The following PTPRD variants were observed in gnomAD, a reference collection of about 807,000 sequenced individuals.
PTPRD encodes receptor-type tyrosine-protein phosphatase delta.
A neutral mutation model predicts 214.5 loss-of-function variants in PTPRD; 34 were observed. The ratio of observed to expected loss-of-function variants is 0.16; its 90% CI spans 0.12 to 0.21. The LOEUF (loss-of-function observed/expected upper bound fraction) is 0.21, where lower values mean the gene tolerates loss of function less well. Ranked by LOEUF, PTPRD falls within the 10% of genes least tolerant of loss-of-function variation. The probability of loss-of-function intolerance (pLI) is 1.00; values close to 1 mark genes in which losing one functional copy is unlikely to be tolerated. For missense variants in PTPRD, 2,545 were observed against 2,398.7 expected (o/e 1.06, Z -1.27); for synonymous variants, 1,128 against 845.7 (o/e 1.33, Z -5.79).
At chr9:8,932,120 C>A (rs1378412091) in intron 11 of PTPRD, among the ~76,000 whole-genome samples, 2 of 152,196 alleles carry the variant, frequency 1.3e-5, no homozygotes, top group South Asian at 4.1e-4. Flanking sequence ...CTCCTGGATT[C>A]GTTGATTTTT....
Position 8,548,370 on chromosome 9 carries a change from A to C in PTPRD, c.353-19591T>G, listed in dbSNP as rs572122364. On this transcript the variant is annotated intron_variant, in intron 14 of 45. Coordinates refer to ENST00000381196, the MANE Select transcript of PTPRD (RefSeq NM_002839.4). ...TAGGTTGTATATGCATGCAGCTGGA[A>C]TTTTGTTTTTTTTTTGAGAGAGGTG... Among the ~76,000 whole-genome samples the C allele has an allele frequency of 5.3e-4, 80 of 151,352 alleles. 1 individual carries two copies. Among genetic ancestry groups the C allele is most frequent in the Non-Finnish European group, 9.4e-4 (64 of 67,802 alleles).
intron 11 of PTPRD, among the ~76,000 whole-genome samples, chr9:8,940,165 C>A (rs2099022427): frequency 6.6e-6 from 1 of 151,654 alleles, no homozygotes; most frequent in African/African-American, 2.4e-5. Context: ...AGGCTCTGAA[C>A]TCAGTCTTCA....
chr9:8,499,968 G>T (rs1458734148), intron 24 of PTPRD, 128 bp from the exon 25 acceptor site: 11 of 521,536 alleles, frequency 2.1e-5, no homozygotes, highest in East Asian at 1.2e-4. Context: ...TTTCTTTGAA[G>T]AATACAAACA....
chr9:9,112,687 G>A (rs902682804), intron 10 of PTPRD, among the ~76,000 whole-genome samples: 1 of 152,090 alleles, frequency 6.6e-6, no homozygotes, highest in African/African-American at 2.4e-5. Flanking sequence ...AAGCTTTTAA[G>A]AAAGAGAATA....
At chr9:10,511,940 ATATATACG>A (rs1352413479) in intron 2 of PTPRD, among the ~76,000 whole-genome samples, 4 of 70,150 alleles carry the variant, frequency 5.7e-5, no homozygotes, top group Admixed American at 1.4e-4. Flanking sequence ...ACGTGTATAT[ATATATACG>A]TGTGTGTATA....
intron 2 of PTPRD, among the ~76,000 whole-genome samples, chr9:10,445,807 A>T (rs1274418241): frequency 2.6e-5 from 4 of 152,134 alleles, no homozygotes; most frequent in Non-Finnish European, 4.4e-5. Flanking sequence ...AATGAGAAGC[A>T]TGAAGAAGTG....
At chr9:10,097,664 T>A (rs546263081) in intron 3 of PTPRD, among the ~76,000 whole-genome samples, 15 of 151,774 alleles carry the variant, frequency 9.9e-5, no homozygotes, top group Non-Finnish European at 2.2e-4. Flanking sequence ...TTTCTAGATA[T>A]ACAATCATGT....
At chr9:8,650,482 G>A (rs973920003) in intron 12 of PTPRD, among the ~76,000 whole-genome samples, 4 of 146,272 alleles carry the variant, frequency 2.7e-5, no homozygotes, top group Non-Finnish European at 5.9e-5. Flanking sequence ...CCGAGATCGT[G>A]TCATTGCACT....
chr9:10,413,727 T>A (rs7048345), intron 2 of PTPRD, among the ~76,000 whole-genome samples: 110,698 of 151,638 alleles, frequency 0.73, 41,079 homozygotes, highest in Non-Finnish European at 0.81. Context: ...GGCTACAGTA[T>A]ACAAAACAGC....
chr9:9,199,443 G>A (rs2099940583), intron 9 of PTPRD, among the ~76,000 whole-genome samples: 1 of 152,154 alleles, frequency 6.6e-6, no homozygotes, highest in Admixed American at 6.6e-5. Context: ...CTCAAAGTCT[G>A]TAAAATGCAT....
intron 9 of PTPRD, among the ~76,000 whole-genome samples, chr9:9,247,288 G>C (rs1456120877): frequency 6.6e-6 from 1 of 152,018 alleles, no homozygotes; most frequent in East Asian, 1.9e-4. Flanking sequence ...TCCCAACTCA[G>C]TCTATTACTA....
intron 9 of PTPRD, among the ~76,000 whole-genome samples, chr9:9,242,815 C>G (rs1029443380): frequency 6.6e-6 from 1 of 152,112 alleles, no homozygotes; most frequent in African/African-American, 2.4e-5. Flanking sequence ...GAATTTTGAT[C>G]ATCTGCAGCC....
At chr9:10,150,275 T>C (rs2154277005) in intron 3 of PTPRD, among the ~76,000 whole-genome samples, 1 of 152,228 alleles carries the variant, frequency 6.6e-6, no homozygotes, top group South Asian at 2.1e-4. Context: ...TGTCCATCAA[T>C]GATAGACTGG....
intron 2 of PTPRD, among the ~76,000 whole-genome samples, chr9:10,549,006 T>C (rs907439817): frequency 6.6e-6 from 1 of 152,186 alleles, no homozygotes; most frequent in Admixed American, 6.6e-5. Flanking sequence ...ACAAGCAACT[T>C]CATGTATGAG....
rs367923013 is a variant in PTPRD, at chr9:9,751,635, C to T, written c.-326+15175G>A. On this transcript the variant is annotated intron_variant, in intron 6 of 45. Coordinates refer to ENST00000381196, the MANE Select transcript of PTPRD (RefSeq NM_002839.4). ...ACTAGCGTCCTTTTAAAAAGAATAA[C>T]GTGAAGAAGAGACACACGGTACAAA... Among the ~76,000 whole-genome samples, 122 of 152,062 alleles carry T rather than the reference C, an allele frequency of 8.0e-4. 1 individual carries two copies. Among genetic ancestry groups the T allele is most frequent in the African/African-American group, 2.7e-3 (114 of 41,502 alleles).
chr9:10,510,448 A>G (rs1310823836), intron 2 of PTPRD, among the ~76,000 whole-genome samples: 1 of 152,196 alleles, frequency 6.6e-6, no homozygotes, highest in Non-Finnish European at 1.5e-5. Context: ...TAAAAGATCC[A>G]ATGATGTGTT....
chr9:8,466,641 A>T (rs1383649110), intron 31 of PTPRD, among the ~76,000 whole-genome samples: 1 of 151,878 alleles, frequency 6.6e-6, no homozygotes, highest in Non-Finnish European at 1.5e-5. Flanking sequence ...ATGCCTGTTG[A>T]TGTAAGCAGC....
At chr9:9,783,365 C>G (rs1265388674) in intron 5 of PTPRD, among the ~76,000 whole-genome samples, 1 of 152,106 alleles carries the variant, frequency 6.6e-6, no homozygotes. Flanking sequence ...GAAGTAGAAT[C>G]TTTCTTTTCA....
At chr9:9,727,505 C>A (rs764710721) in intron 7 of PTPRD, among the ~76,000 whole-genome samples, 14 of 152,208 alleles carry the variant, frequency 9.2e-5, no homozygotes, top group Non-Finnish European at 1.9e-4. Context: ...TATTTTATGT[C>A]AGATGAGAGG....
Sources: gnomAD v4.1 joint callset for allele counts (sites outside exome capture counted in the v4.1 genomes callset) on GRCh38, gnomAD v4.1.1 for gene constraint, MANE v1.5 for transcripts, NCBI Gene and HGNC (gene_info 2026-07-23, HGNC 2026-07-21) for gene names.